The following RAB3IP variants were observed in gnomAD, a reference collection of about 807,000 sequenced individuals.
The protein encoded by RAB3IP is rab-3A-interacting protein.
In RAB3IP, 36 loss-of-function variants were observed where a neutral mutation model predicts 59.1. The ratio of observed to expected loss-of-function variants is 0.61; its 90% confidence interval spans 0.47 to 0.80. The LOEUF is 0.80. Among genes scored for constraint, RAB3IP ranks in the 30% least tolerant of loss-of-function variants. The pLI is 0.00. For missense variants in RAB3IP, 511 were observed against 536.0 expected (o/e 0.95, Z 0.46); for synonymous variants, 207 against 191.2 (o/e 1.08, Z -0.68).
Position 69,815,517 on chromosome 12 carries a change from G to A in RAB3IP, c.*71G>A. ...TGGCTGAATATTTTTATGGTTACTT[G>A]ATATTTATTTCCAAGGAGTGAGCCT... is the stretch of plus-strand genomic sequence containing the variant. On this transcript the variant is annotated 3_prime_UTR_variant, in exon 11 of 11. Coordinates refer to ENST00000247833, the MANE Select transcript of RAB3IP (RefSeq NM_022456.5). The A allele has an allele frequency of 9.1e-7, 1 of 1,104,056 alleles. No individual in the cohort carries two copies. Among genetic ancestry groups the A allele is most frequent in the Non-Finnish European group, 1.4e-6 (1 of 727,432 alleles). 68.4% of individuals were successfully genotyped at this position (1,104,056 alleles called of 1,614,324 possible).
In RAB3IP at chr12:69,817,037, C is replaced by T. The variant is rs1881200794; in HGVS notation, c.*1591C>T. On this transcript the variant is annotated 3_prime_UTR_variant, in exon 11 of 11. Coordinates refer to ENST00000247833, the MANE Select transcript of RAB3IP (RefSeq NM_022456.5). Reference sequence around the variant, plus strand: ...GTGAGGGCATTAATAAGAATATGTACCATCAAAGCTTCAGAAGATTTTCCG... The same window carrying T: ...GTGAGGGCATTAATAAGAATATGTATCATCAAAGCTTCAGAAGATTTTCCG... 6.6e-6 allele frequency: 1 copy of T among 152,100 alleles called. No individual in the cohort carries two copies. The highest frequency in any genetic ancestry group is 1.5e-5 in the Non-Finnish European group (1 of 68,020). 9.4% of individuals were successfully genotyped at this position (152,100 alleles called of 1,614,324 possible).
chr12:69,801,825 C>A, intron 8 of RAB3IP, 104 bp downstream of exon 8: 2 of 699,562 alleles, frequency 2.9e-6, no homozygotes, highest in Non-Finnish European at 2.4e-6. Context: ...ATATTTCCCT[C>A]AGATTTCTCT....
chr12:69,785,194 G>C (rs1875437283), intron 4 of RAB3IP, among the ~76,000 whole-genome samples: 1 of 152,196 alleles, frequency 6.6e-6, no homozygotes, highest in South Asian at 2.1e-4. Flanking sequence ...AGAAATGTTA[G>C]AAGGCACATC....
At chr12:69,763,687 GT>G (rs1460491001) in intron 3 of RAB3IP, among the ~76,000 whole-genome samples, 2 of 152,006 alleles carry the variant, frequency 1.3e-5, no homozygotes, top group African/African-American at 4.8e-5. Flanking sequence ...TAGTTCTGTG[GT>G]TTAGGTTATG....
rs1351750159 is a variant in RAB3IP, at chr12:69,815,352, C to G, written c.1301-12C>G. 3 of 1,567,638 alleles carry G rather than the reference C, an allele frequency of 1.9e-6. No homozygotes were observed. Among genetic ancestry groups the G allele is most frequent in the Non-Finnish European group, 2.6e-6 (3 of 1,139,278 alleles). ...TTTATGATTTAAATATCTCTCTTTT[C>G]TGTTTGTATAGTTGATCAGATGTTT... On this transcript the variant is annotated splice_polypyrimidine_tract_variant and intron_variant, in intron 10 of 10. Coordinates refer to ENST00000247833, the MANE Select transcript of RAB3IP (RefSeq NM_022456.5).
rs1036564570 is a variant in RAB3IP at position 69,821,559 on chromosome 12, C to A, written c.*6113C>A. 1 of 152,164 alleles carries A rather than the reference C, an allele frequency of 6.6e-6. No homozygotes were observed. Among genetic ancestry groups the A allele is most frequent in the East Asian group, 1.9e-4 (1 of 5,186 alleles). The allele number at this position is 152,164 out of a possible 1,614,324, so 9.4% of individuals were successfully genotyped here. ...CGGCACCAGGGTTGCATCTTGTGGGCTCCATTGTGTTTTCACACAATGTGC... is the reference window on the plus strand; with the variant it reads ...CGGCACCAGGGTTGCATCTTGTGGGATCCATTGTGTTTTCACACAATGTGC... On this transcript the variant is annotated 3_prime_UTR_variant, in exon 11 of 11. Transcript: ENST00000247833.
chr12:69,803,241 A>C lies in RAB3IP; in HGVS notation c.1130+1520A>C, dbSNP rs553980385. On this transcript the variant is annotated intron_variant, in intron 8 of 10. Coordinates refer to ENST00000247833, the MANE Select transcript of RAB3IP (RefSeq NM_022456.5). ...AGAGAACAGTTTACAAAGTTTAAGG[A>C]TATTGTGCTTGTGGGAATGGGGCCA... is the stretch of plus-strand genomic sequence containing the variant. Among the ~76,000 whole-genome samples, 3 of 152,230 alleles carry C rather than the reference A, an allele frequency of 2.0e-5. No individual in the cohort carries two copies. The South Asian group carries it at 6.2e-4, about 32-fold the overall frequency.
At position 69,797,986 on chromosome 12, in the gene RAB3IP, G is replaced by A. The variant is rs547766300; in HGVS notation, c.889-2223G>A. ...GTGAATAATGCCGCAATAAACATAC[G>A]TGTGCGTGTGTCTTTATAGCAGCAT... On this transcript the variant is annotated intron_variant, in intron 6 of 10. Coordinates refer to ENST00000247833, the MANE Select transcript of RAB3IP (RefSeq NM_022456.5). Among the ~76,000 whole-genome samples the A allele has an allele frequency of 6.3e-3, 955 of 152,176 alleles. 9 individuals carry two copies. The highest frequency in any genetic ancestry group is 0.021 in the African/African-American group (856 of 41,498).
Position 69,775,038 on chromosome 12 carries a change from C to T in RAB3IP, c.511-9682C>T, listed in dbSNP as rs182102474. Among the ~76,000 whole-genome samples, 6 of 42,286 alleles carry T rather than the reference C, an allele frequency of 1.4e-4. 3 individuals are homozygous for T. The highest frequency in any genetic ancestry group is 4.0e-4 in the African/African-American group (6 of 15,124). The allele number at this position is 42,286 out of a possible 152,430, so 27.7% of individuals were successfully genotyped here. Reference sequence around the variant, plus strand: ...ATTTTCATGATATTGATTCTTCCTACCCATGAGATGGAATGTTCTTCCATT... The same window carrying T: ...ATTTTCATGATATTGATTCTTCCTATCCATGAGATGGAATGTTCTTCCATT... On this transcript the variant is annotated intron_variant, in intron 3 of 10. Coordinates refer to ENST00000247833, the MANE Select transcript of RAB3IP (RefSeq NM_022456.5).
chr12:69,785,474 G>A (rs1875491956), intron 4 of RAB3IP, among the ~76,000 whole-genome samples: 1 of 152,188 alleles, frequency 6.6e-6, no homozygotes, highest in Non-Finnish European at 1.5e-5. Context: ...CCAGGGAGCT[G>A]CAGTGGGAGT....
chr12:69,805,589 A>G (rs1879125863), intron 8 of RAB3IP, among the ~76,000 whole-genome samples: 1 of 150,972 alleles, frequency 6.6e-6, no homozygotes, highest in South Asian at 2.1e-4. Context: ...TTCAAAGGGA[A>G]TGCTTCCAGT....
intron 8 of RAB3IP, among the ~76,000 whole-genome samples, chr12:69,806,675 G>T (rs1354952927): frequency 6.7e-6 from 1 of 150,150 alleles, no homozygotes; most frequent in African/African-American, 2.5e-5. Context: ...ATGGTCAGCA[G>T]ATAAACACGT....
intron 3 of RAB3IP, among the ~76,000 whole-genome samples, chr12:69,764,628 T>C (rs1263923653): frequency 2.6e-5 from 4 of 152,226 alleles, no homozygotes; most frequent in African/African-American, 9.6e-5. Flanking sequence ...TTCAGGCCCT[T>C]GTGTGGTTCC....
intron 3 of RAB3IP, among the ~76,000 whole-genome samples, chr12:69,766,612 C>A (rs1194308666): frequency 2.6e-5 from 4 of 152,054 alleles, no homozygotes; most frequent in Admixed American, 1.3e-4. Context: ...CCTCCGCTTC[C>A]CAGGTTCAAG....
chr12:69,748,071 G>GTTT (rs35390580), intron 1 of RAB3IP, among the ~76,000 whole-genome samples: 6 of 141,266 alleles, frequency 4.2e-5, no homozygotes, highest in Admixed American at 6.9e-5. Context: ...CACAGCTTTA[G>GTTT]TTTTTTTTTT....
At chr12:69,784,598 T>C (rs1875317466) in intron 3 of RAB3IP, 122 bp from the exon 4 acceptor site, 2 of 415,872 alleles carry the variant, frequency 4.8e-6, no homozygotes, top group Admixed American at 8.7e-5. Context: ...ATACTTTCAA[T>C]GTGAACATTG....
At chr12:69,750,428 T>C (rs1220096016) in intron 1 of RAB3IP, among the ~76,000 whole-genome samples, 21 of 152,138 alleles carry the variant, frequency 1.4e-4, no homozygotes, top group Admixed American at 1.3e-3. Flanking sequence ...AAATTAACTA[T>C]AATTCCTAAT....
In RAB3IP at chr12:69,795,250, A is replaced by G. The variant is rs766520459; in HGVS notation, c.794A>G (p.Lys265Arg). The G allele has an allele frequency of 6.2e-7, 1 of 1,614,126 alleles. No homozygotes were observed. Among genetic ancestry groups the G allele is most frequent in the East Asian group, 2.2e-5 (1 of 44,882 alleles). ...PLPGGKTPFK[K>R]GHTRNKSTSS... Reference sequence around the variant, plus strand: ...CCAGGTGGAAAGACACCTTTTAAAAAGGGGCATACAAGAAATAAAAGCACA... The same window carrying G: ...CCAGGTGGAAAGACACCTTTTAAAAGGGGGCATACAAGAAATAAAAGCACA... Residue 265 changes from lysine (K) to arginine (R), a missense_variant, in exon 6 of 11, where the codon AAG (lysine) becomes AGG (arginine). Coordinates refer to ENST00000247833, the MANE Select transcript of RAB3IP (RefSeq NM_022456.5).
chr12:69,800,309 T>C lies in RAB3IP; in HGVS notation c.989T>C (p.Phe330Ser). 6.3e-7 allele frequency: 1 copy of C among 1,588,662 alleles called. No homozygotes were observed. Among genetic ancestry groups the C allele is most frequent in the Non-Finnish European group, 8.6e-7 (1 of 1,165,654 alleles). Reference protein sequence around the residue: ...FLDKIYQEDIFPCLTFSKSEL... With the variant: ...FLDKIYQEDISPCLTFSKSEL... ...GACAAAATCTACCAGGAAGATATCT[T>C]TCCATGTTTAACATTCTCAAAAAGT... Residue 330 changes from phenylalanine (F) to serine (S), a missense_variant, in exon 7 of 11, where the codon TTT (phenylalanine) becomes TCT (serine). Physicochemically the swap from Phe to Ser is radical, Grantham distance 155 (BLOSUM62 -2). Coordinates refer to ENST00000247833, the MANE Select transcript of RAB3IP (RefSeq NM_022456.5).
Sources: gnomAD v4.1 joint callset for allele counts (sites outside exome capture counted in the v4.1 genomes callset) on GRCh38, gnomAD v4.1.1 for gene constraint, MANE v1.5 for transcripts, NCBI Gene and HGNC (gene_info 2026-07-23, HGNC 2026-07-21) for gene names.